The following PDE4D variants were observed in gnomAD, a reference collection of about 807,000 sequenced individuals.
The protein encoded by PDE4D is phosphodiesterase 4D.
PDE4D carries 24 observed loss-of-function variants against 87.4 expected under a neutral mutation model. The ratio of observed to expected loss-of-function variants is 0.27; its 90% CI spans 0.20 to 0.39. The LOEUF (loss-of-function observed/expected upper bound fraction) is 0.39. PDE4D is among the 10% of genes least tolerant of loss of function. The pLI is 1.00. For missense variants in PDE4D, 714 were observed against 1,041.0 expected (o/e 0.69, Z 4.32); for synonymous variants, 384 against 383.2 (o/e 1.00, Z -0.02).
At chr5:59,498,249 C>T (rs1807588553) in intron 1 of PDE4D, among the ~76,000 whole-genome samples, 1 of 151,298 alleles carries the variant, frequency 6.6e-6, no homozygotes, top group South Asian at 2.1e-4. Context: ...AGCCCACAGG[C>T]CCTAAGCAGT....
intron 1 of PDE4D, among the ~76,000 whole-genome samples, chr5:60,432,093 A>AGAG (rs1554035290): frequency 0.028 from 4,137 of 150,218 alleles, 90 homozygotes; most frequent in Middle Eastern, 0.079. Flanking sequence ...CGTGGGGAGA[A>AGAG]GGAGAGGGAG....
intron 5 of PDE4D, among the ~76,000 whole-genome samples, chr5:59,108,888 C>T (rs1464799185): frequency 7.7e-6 from 1 of 130,500 alleles, no homozygotes; most frequent in Non-Finnish European, 1.6e-5. Context: ...GCCTGGGTGA[C>T]AGAGTGAGAT....
intron 1 of PDE4D, among the ~76,000 whole-genome samples, chr5:59,648,962 G>A (rs987579548): frequency 1.5e-4 from 23 of 152,194 alleles, no homozygotes; most frequent in Admixed American, 1.2e-3. Flanking sequence ...GCAATTTTAA[G>A]CATTGAGAAT....
chr5:59,611,404 G>A (rs1828988762), intron 1 of PDE4D, among the ~76,000 whole-genome samples: 1 of 152,078 alleles, frequency 6.6e-6, no homozygotes, highest in Non-Finnish European at 1.5e-5. Context: ...AATTTTGGGA[G>A]GACACAAGCA....
intron 2 of PDE4D, among the ~76,000 whole-genome samples, chr5:60,176,233 T>C (rs924794032): frequency 1.3e-5 from 2 of 152,154 alleles, no homozygotes; most frequent in African/African-American, 4.8e-5. Context: ...ACATGACATC[T>C]GGTGGTGTCT....
In PDE4D at chr5:60,430,561, T is replaced by A. The variant is rs562400192; in HGVS notation, c.-90+57381A>T. Among the ~76,000 whole-genome samples the A allele has an allele frequency of 2.0e-4, 30 of 150,904 alleles. No individual in the cohort carries two copies. The South Asian group carries it at 2.9e-3, about 15-fold the overall frequency. On this transcript the variant is annotated intron_variant, in intron 1 of 16. Transcript: ENST00000502484. ...TTTTTTTTTGTTTGTTTTTTTTTTTTATTGATCATTCTTGGGTGTTTCTCG... is the reference window on the plus strand; with the variant it reads ...TTTTTTTTTGTTTGTTTTTTTTTTTAATTGATCATTCTTGGGTGTTTCTCG...
intron 1 of PDE4D, among the ~76,000 whole-genome samples, chr5:60,430,457 C>A (rs969921300): frequency 6.6e-6 from 1 of 151,742 alleles, no homozygotes; most frequent in Non-Finnish European, 1.5e-5. Context: ...GCCATTCCCC[C>A]AGATATCCTT....
intron 1 of PDE4D, among the ~76,000 whole-genome samples, chr5:60,186,938 C>T (rs1420061095): frequency 6.6e-6 from 1 of 152,130 alleles, no homozygotes; most frequent in African/African-American, 2.4e-5. Context: ...ATATGTGAGT[C>T]ACCCTCTCAA....
At chr5:59,178,265 A>G (rs1336097660) in intron 5 of PDE4D, among the ~76,000 whole-genome samples, 2 of 152,066 alleles carry the variant, frequency 1.3e-5, no homozygotes, top group African/African-American at 4.8e-5. Flanking sequence ...AAGAAAAACG[A>G]CTTCCCAGTT....
chr5:59,493,897 C>G (rs1490414043), intron 1 of PDE4D, among the ~76,000 whole-genome samples: 1 of 152,122 alleles, frequency 6.6e-6, no homozygotes, highest in Non-Finnish European at 1.5e-5. Flanking sequence ...TACGTCTGAG[C>G]ATAAAACAGT....
At chr5:59,737,902 G>A (rs147696307) in intron 1 of PDE4D, among the ~76,000 whole-genome samples, 14 of 152,040 alleles carry the variant, frequency 9.2e-5, no homozygotes, top group Admixed American at 7.2e-4. Context: ...TTGACTTCCC[G>A]GTTTTACAAA....
intron 1 of PDE4D, among the ~76,000 whole-genome samples, chr5:59,277,452 A>T (rs933959499): frequency 6.6e-6 from 1 of 152,128 alleles, no homozygotes; most frequent in African/African-American, 2.4e-5. Flanking sequence ...GGAAACTTAA[A>T]AGTTTTGTGA....
chr5:59,090,923 T>C (rs1363096535), intron 5 of PDE4D, among the ~76,000 whole-genome samples: 1 of 151,582 alleles, frequency 6.6e-6, no homozygotes, highest in Admixed American at 6.6e-5. Flanking sequence ...TCGCCTCTCT[T>C]ATTGCCATGT....
At chr5:59,914,862 TA>T (rs1753850359) in intron 3 of PDE4D, among the ~76,000 whole-genome samples, 1 of 116,018 alleles carries the variant, frequency 8.6e-6, no homozygotes, top group Non-Finnish European at 1.8e-5. Context: ...AATTTACTGA[TA>T]GGGGTGTGTG....
chr5:60,443,534 A>G (rs1372485789), intron 1 of PDE4D, among the ~76,000 whole-genome samples: 1 of 152,178 alleles, frequency 6.6e-6, no homozygotes. Flanking sequence ...ATGTAGAAGA[A>G]TTTGAGGAGT....
intron 2 of PDE4D, among the ~76,000 whole-genome samples, chr5:60,107,659 C>T (rs547827042): frequency 7.9e-4 from 121 of 152,266 alleles, no homozygotes; most frequent in Non-Finnish European, 1.5e-5. Flanking sequence ...GTTTATCCAC[C>T]ATGATCAAGT....
chr5:58,986,506 G>A (rs1250299075), intron 11 of PDE4D, among the ~76,000 whole-genome samples: 1 of 152,198 alleles, frequency 6.6e-6, no homozygotes, highest in Non-Finnish European at 1.5e-5. Context: ...GCCCGCATCA[G>A]TACTGCCTGA....
chr5:60,449,554 T>C (rs1299540306), intron 1 of PDE4D, among the ~76,000 whole-genome samples: 2 of 148,752 alleles, frequency 1.3e-5, no homozygotes, highest in Non-Finnish European at 3.0e-5. Flanking sequence ...GATGACGAGT[T>C]AGTGGGTGCA....
At chr5:59,807,367 C>G (rs757526255) in intron 1 of PDE4D, among the ~76,000 whole-genome samples, 55 of 152,144 alleles carry the variant, frequency 3.6e-4, no homozygotes, top group Non-Finnish European at 6.2e-4. Flanking sequence ...CTGTGGGGTC[C>G]CATTTCCCCC....
Sources: gnomAD v4.1 joint callset for allele counts (sites outside exome capture counted in the v4.1 genomes callset) on GRCh38, gnomAD v4.1.1 for gene constraint, MANE v1.5 for transcripts, NCBI Gene and HGNC (gene_info 2026-07-23, HGNC 2026-07-21) for gene names.